Variants in UQCRH observed in about 807,000 individuals in gnomAD.
The protein encoded by UQCRH is ubiquinol-cytochrome c reductase hinge protein, also known as cytochrome b-c1 complex subunit 6, mitochondrial.
Under a neutral mutation model 16.3 loss-of-function variants are expected in UQCRH, and 14 were observed. The observed-to-expected ratio is 0.86, with a 90% CI of 0.57 to 1.34. The LOEUF (loss-of-function observed/expected upper bound fraction) is 1.34, where lower values mean the gene tolerates loss of function less well. UQCRH is among the 40% of genes most tolerant of loss of function. The probability of loss-of-function intolerance (pLI) is 0.00; values close to 1 mark genes in which losing one functional copy is unlikely to be tolerated. For missense variants in UQCRH, 89 were observed against 111.9 expected, an observed-to-expected ratio of 0.80 and a Z score of 0.92; for synonymous variants, 41 against 41.9, an observed-to-expected ratio of 0.98 and a Z score of 0.08.
intron 1 of UQCRH, among the ~76,000 whole-genome samples, chr1:46,306,826 C>T (rs1474729582): frequency 3.9e-5 from 6 of 152,220 alleles, no homozygotes; most frequent in Non-Finnish European, 8.8e-5. Flanking sequence ...CTACCCCTCA[C>T]TCCCAGCTTG....
At chr1:46,304,234 T>A (rs1252012675) in intron 1 of UQCRH, among the ~76,000 whole-genome samples, 1 of 151,790 alleles carries the variant, frequency 6.6e-6, no homozygotes, top group Non-Finnish European at 1.5e-5. Flanking sequence ...TGGCCTTGTG[T>A]TCCTTTTCTT....
intron 3 of UQCRH, among the ~76,000 whole-genome samples, chr1:46,314,898 G>T (rs771445060): frequency 1.8e-4 from 27 of 152,178 alleles, no homozygotes; most frequent in Non-Finnish European, 3.5e-4. Context: ...ATATAGTTTT[G>T]ATTTAGTAAG....
intron 1 of UQCRH, among the ~76,000 whole-genome samples, chr1:46,306,907 C>T (rs746055486): frequency 3.9e-5 from 6 of 152,000 alleles, no homozygotes; most frequent in African/African-American, 7.2e-5. Flanking sequence ...TTTTTGGAGA[C>T]GGGGTCTCAC....
At chr1:46,307,195 C>T (rs1000882462) in intron 1 of UQCRH, among the ~76,000 whole-genome samples, 2 of 152,180 alleles carry the variant, frequency 1.3e-5, no homozygotes, top group African/African-American at 4.8e-5. Context: ...CAGGCGCGTG[C>T]CACCATGCCC....
At chr1:46,310,366 G>C in intron 3 of UQCRH, 50 bp downstream of exon 3, 2 of 1,608,880 alleles carry the variant, frequency 1.2e-6, no homozygotes, top group Non-Finnish European at 1.7e-6. Context: ...GGTCAGGGAA[G>C]ACTTGGTGCC....
At chr1:46,306,690 A>AG (rs1343746154) in intron 1 of UQCRH, among the ~76,000 whole-genome samples, 1 of 152,180 alleles carries the variant, frequency 6.6e-6, no homozygotes, top group African/African-American at 2.4e-5. Context: ...GTTTTTTAAA[A>AG]GAGCAGCATT....
At chr1:46,306,380 G>GTTTTTTTTTT in intron 1 of UQCRH, among the ~76,000 whole-genome samples, 2 of 125,184 alleles carry the variant, frequency 1.6e-5, no homozygotes, top group Non-Finnish European at 1.7e-5. Context: ...AACTTTTTCA[G>GTTTTTTTTTT]TTTTTTTTTT....
chr1:46,309,812 T>G, intron 2 of UQCRH: 1 of 1,217,698 alleles, frequency 8.2e-7, no homozygotes, highest in South Asian at 1.7e-5. Flanking sequence ...ACGTGTCATA[T>G]TCCAAAATGC....
chr1:46,313,240 G>A (rs901961714), intron 3 of UQCRH, among the ~76,000 whole-genome samples: 2 of 152,106 alleles, frequency 1.3e-5, no homozygotes, highest in Non-Finnish European at 2.9e-5. Context: ...GCTTGTAATC[G>A]CAGAACTTTG....
Position 46,310,226 on chromosome 1 carries a change from G to C in UQCRH, c.153G>C (p.Glu51Asp). The stretch of plus-strand genomic sequence containing the variant: ...GTGTAAAGGCCCGGGAGCGGCTAGA[G>C]CTCTGTGATGAGCGTGTATCCTCTC... ...EKCVKARERLELCDERVSSRS... is the reference protein window; with the variant it reads ...EKCVKARERLDLCDERVSSRS... The change falls in exon 3 of 4, where the codon GAG becomes GAC. Residue 51 changes from glutamate to aspartate, a missense_variant. Glu to Asp is a conservative substitution (Grantham distance 45, BLOSUM62 2). Transcript: ENST00000311672. 6.2e-7 allele frequency: 1 copy of C among 1,614,236 alleles called. No individual in the cohort carries two copies. Among genetic ancestry groups the C allele is most frequent in the African/African-American group, 1.3e-5 (1 of 75,048 alleles).
intron 3 of UQCRH, among the ~76,000 whole-genome samples, chr1:46,314,050 A>G (rs1432906164): frequency 1.3e-5 from 2 of 152,144 alleles, no homozygotes; most frequent in African/African-American, 2.4e-5. Context: ...TGTGCTTTGT[A>G]TATACAATGG....
At chr1:46,310,959 C>T (rs1375501356) in intron 3 of UQCRH, among the ~76,000 whole-genome samples, 1 of 150,600 alleles carries the variant, frequency 6.6e-6, no homozygotes, top group Non-Finnish European at 1.5e-5. Flanking sequence ...CCCAGCTACT[C>T]GGGAGGCTGA....
intron 1 of UQCRH, among the ~76,000 whole-genome samples, chr1:46,306,509 G>T (rs1255492403): frequency 1.3e-5 from 2 of 151,922 alleles, no homozygotes. Flanking sequence ...GAGTAGCTGG[G>T]ACTACAGGCG....
At chr1:46,305,109 G>T (rs1261849042) in intron 1 of UQCRH, among the ~76,000 whole-genome samples, 1 of 151,554 alleles carries the variant, frequency 6.6e-6, no homozygotes, top group Non-Finnish European at 1.5e-5. Context: ...CATGAGTCCA[G>T]GAGTTGGACC....
chr1:46,316,569 TAAC>T lies in UQCRH; in HGVS notation c.265_267del (p.Asn89del). On this transcript the variant is annotated inframe_deletion, in exon 4 of 4. Coordinates refer to ENST00000311672, the MANE Select transcript of UQCRH (RefSeq NM_006004.4). ...CCATCTAGGTGGCCCACAAACTCTT[TAAC>T]AACTTGAAATAAATGTGTGGACTTA... 1 of 1,613,358 alleles carries T rather than the reference TAAC, an allele frequency of 6.2e-7. No homozygotes were observed. Among genetic ancestry groups the T allele is most frequent in the South Asian group, 1.1e-5 (1 of 91,008 alleles).
chr1:46,305,035 C>T (rs1661340209), intron 1 of UQCRH, among the ~76,000 whole-genome samples: 1 of 152,008 alleles, frequency 6.6e-6, no homozygotes. Context: ...AACCTGAGGC[C>T]GGGCGCAGTG....
chr1:46,316,526 T>G (rs1363844426), intron 3 of UQCRH, 26 bp from the exon 4 acceptor site: 2 of 1,613,652 alleles, frequency 1.2e-6, no homozygotes, highest in Non-Finnish European at 1.7e-6. Flanking sequence ...GCCAATTGAT[T>G]ACCTCCTTTT....
intron 2 of UQCRH, chr1:46,309,777 C>T: frequency 9.9e-7 from 1 of 1,006,916 alleles, no homozygotes; most frequent in Non-Finnish European, 1.3e-6. Context: ...GCCTGGTTCT[C>T]AGACAAGGGG....
intron 2 of UQCRH, 93 bp downstream of exon 2, chr1:46,309,220 T>TA (rs1661425137): frequency 1.4e-6 from 2 of 1,397,612 alleles, no homozygotes; most frequent in Non-Finnish European, 2.0e-6. Context: ...TTTTACTTGA[T>TA]ACCTTGTAGA....
Sources: gnomAD v4.1 joint callset for allele counts (sites outside exome capture counted in the v4.1 genomes callset) on GRCh38, gnomAD v4.1.1 for gene constraint, MANE v1.5 for transcripts, NCBI Gene and HGNC (gene_info 2026-07-23, HGNC 2026-07-21) for gene names.